The following CELF2 variants were observed in gnomAD, a reference collection of about 807,000 sequenced individuals.
CELF2 encodes CUGBP Elav-like family member 2.
A neutral mutation model predicts 62.6 loss-of-function variants in CELF2; 8 were observed. The ratio of observed to expected loss-of-function variants is 0.13; its 90% confidence interval spans 0.07 to 0.23. CELF2 has a LOEUF of 0.23. Ranked by LOEUF, CELF2 falls within the 10% of genes least tolerant of loss-of-function variation. CELF2 has a pLI of 1.00. For synonymous variants in CELF2, 258 were observed against 250.0 expected (o/e 1.03, Z -0.30); for missense variants, 333 against 671.0 (o/e 0.50, Z 5.56).
chr10:11,174,967 G>T (rs552937692), intron 2 of CELF2, among the ~76,000 whole-genome samples: 1 of 152,300 alleles, frequency 6.6e-6, no homozygotes, highest in East Asian at 1.9e-4. Flanking sequence ...TAAACATTCT[G>T]TGTAGGGGAT....
chr10:10,908,746 C>G (rs1051804353), intron 1 of CELF2, among the ~76,000 whole-genome samples: 1 of 152,182 alleles, frequency 6.6e-6, no homozygotes, highest in Non-Finnish European at 1.5e-5. Flanking sequence ...AGCTTCCAAC[C>G]TTGTAGCCAG....
chr10:11,063,890 T>C (rs1164834468), intron 1 of CELF2, among the ~76,000 whole-genome samples: 1 of 152,194 alleles, frequency 6.6e-6, no homozygotes, highest in Admixed American at 6.5e-5. Flanking sequence ...GGCTTTTGCT[T>C]CCAGAGGGGA....
In CELF2 at chr10:10,934,357, T is replaced by C. The variant is rs6602469; in HGVS notation, c.89+14358T>C. The stretch of plus-strand genomic sequence containing the variant: ...TGCTCACCTTTCTATCCTCAACACC[T>C]AGCATAGTGCCTCCAGCACACAACA... On this transcript the variant is annotated intron_variant, in intron 2 of 13. Transcript: ENST00000636488. The surrounding 1 kb of genome is among the most constrained non-coding windows in gnomAD (Gnocchi z 4.4). 0.35 allele frequency among the ~76,000 whole-genome samples: 53,460 copies of C among 152,028 alleles called. 10,346 individuals are homozygous for C. Among genetic ancestry groups the C allele is most frequent in the East Asian group, 0.73 (3,791 of 5,160 alleles).
intron 2 of CELF2, among the ~76,000 whole-genome samples, chr10:11,201,064 C>G (rs1051545184): frequency 1.3e-5 from 2 of 152,212 alleles, no homozygotes; most frequent in East Asian, 3.8e-4. Flanking sequence ...TTCTCTACAG[C>G]AGTTCACCAA....
the CELF2 span, among the ~76,000 whole-genome samples, chr10:10,528,028 T>C: frequency 6.6e-6 from 1 of 152,224 alleles, no homozygotes; most frequent in Non-Finnish European, 1.5e-5. Flanking sequence ...TTAAATGACC[T>C]ACCCTCAGAT....
intron 2 of CELF2, among the ~76,000 whole-genome samples, chr10:10,951,127 G>C (rs1484280201): frequency 6.6e-6 from 1 of 152,180 alleles, no homozygotes; most frequent in Non-Finnish European, 1.5e-5. Context: ...AAACCACTCG[G>C]AACTCAACTT....
chr10:10,814,587 A>G (rs1280151732), intron 1 of CELF2, among the ~76,000 whole-genome samples: 3 of 152,316 alleles, frequency 2.0e-5, no homozygotes, highest in Admixed American at 2.0e-4. Flanking sequence ...ATGACAGGCC[A>G]TGCATCTCTA....
chr10:10,531,490 G>T, the CELF2 span, among the ~76,000 whole-genome samples: 1 of 152,110 alleles, frequency 6.6e-6, no homozygotes, highest in Non-Finnish European at 1.5e-5. Flanking sequence ...TTATGAGACT[G>T]GGATACCTGA....
Position 11,090,080 on chromosome 10 carries a change from C to T in CELF2, c.74+71917C>T, listed in dbSNP as rs1041984854. The stretch of plus-strand genomic sequence containing the variant: ...AAACCTAGTTACTGGGTACTATGCT[C>T]AGCACCAGGGTGATGGGATCATTTC... On this transcript the variant is annotated intron_variant, in intron 1 of 12. Coordinates refer to ENST00000633077, the MANE Select transcript of CELF2 (RefSeq NM_001326342.2). Among the ~76,000 whole-genome samples the T allele has an allele frequency of 1.2e-4, 18 of 152,134 alleles. No homozygotes were observed. The East Asian group carries it at 2.1e-3, about 18-fold the overall frequency.
rs956021542 is a variant in CELF2, at chr10:11,075,789, T to C, written c.74+57626T>C. ...ATCCAGGCAAGCAGGTGCTATGGAATGATGGTTGAAAACGTCGTAGGCAAG... is the reference window on the plus strand; with the variant it reads ...ATCCAGGCAAGCAGGTGCTATGGAACGATGGTTGAAAACGTCGTAGGCAAG... On this transcript the variant is annotated intron_variant, in intron 1 of 12. Transcript: ENST00000633077. The surrounding 1 kb of genome is among the most constrained non-coding windows in gnomAD (Gnocchi z 5.4). Among the ~76,000 whole-genome samples, 1 of 150,970 alleles carries C rather than the reference T, an allele frequency of 6.6e-6. No homozygotes were observed. Among genetic ancestry groups the C allele is most frequent in the African/African-American group, 2.5e-5 (1 of 40,434 alleles).
At chr10:11,232,945 C>A (rs1449113158) in intron 3 of CELF2, among the ~76,000 whole-genome samples, 2 of 152,146 alleles carry the variant, frequency 1.3e-5, no homozygotes, top group Non-Finnish European at 2.9e-5. Flanking sequence ...TTAGCAGACA[C>A]TATAGCTTGG....
chr10:10,650,876 G>A, the CELF2 span, among the ~76,000 whole-genome samples: 9 of 152,184 alleles, frequency 5.9e-5, no homozygotes, highest in African/African-American at 1.9e-4. Flanking sequence ...AGCCAAGATG[G>A]CCGAATAGGA....
chr10:10,606,553 GTTACCA>G, the CELF2 span, among the ~76,000 whole-genome samples: 1 of 152,132 alleles, frequency 6.6e-6, no homozygotes, highest in Admixed American at 6.5e-5. Context: ...ATTTTCACAA[GTTACCA>G]GTAGCTGTTA....
chr10:11,132,767 A>G (rs906966977), intron 1 of CELF2, among the ~76,000 whole-genome samples: 3 of 152,218 alleles, frequency 2.0e-5, no homozygotes, highest in Non-Finnish European at 4.4e-5. Flanking sequence ...TCCAAAGGGT[A>G]TCATAGAAAG....
chr10:10,885,717 T>C (rs1479443325), intron 1 of CELF2, among the ~76,000 whole-genome samples: 3 of 152,182 alleles, frequency 2.0e-5, no homozygotes, highest in Non-Finnish European at 4.4e-5. Flanking sequence ...CCAGAGGTCC[T>C]AGAAAGAATT....
chr10:10,916,655 C>G (rs116377426), intron 1 of CELF2, among the ~76,000 whole-genome samples: 1 of 152,180 alleles, frequency 6.6e-6, no homozygotes, highest in Non-Finnish European at 1.5e-5. Flanking sequence ...CTCAGTTACC[C>G]GGAGTGGAGT....
At chr10:10,609,359 A>G in the CELF2 span, among the ~76,000 whole-genome samples, 1 of 152,204 alleles carries the variant, frequency 6.6e-6, no homozygotes, top group Non-Finnish European at 1.5e-5. Flanking sequence ...ATCCCATCCA[A>G]TAAGTCATAG....
At chr10:11,001,753 T>G (rs1443738050), upstream of CELF2, among the ~76,000 whole-genome samples, 1 of 151,374 alleles carries the variant, frequency 6.6e-6, no homozygotes, top group African/African-American at 2.5e-5. Context: ...AATCTAAGAT[T>G]TTCTTATTGT....
rs989248566 is a variant in CELF2, at chr10:11,297,347, G to T, written c.976+8795G>T. 6.6e-6 allele frequency among the ~76,000 whole-genome samples: 1 copy of T among 152,180 alleles called. No homozygotes were observed. Among genetic ancestry groups the T allele is most frequent in the Admixed American group, 6.5e-5 (1 of 15,286 alleles). Reference sequence around the variant, plus strand: ...AGACTGACCTGCAGAGGCCAGGCGGGCTGCCCTAAGCCCGGGGAGGGGTGA... The same window carrying T: ...AGACTGACCTGCAGAGGCCAGGCGGTCTGCCCTAAGCCCGGGGAGGGGTGA... On this transcript the variant is annotated intron_variant, in intron 9 of 12. Transcript: ENST00000633077. This position sits in a 1 kb window ranked among gnomAD's most constrained non-coding sequence, Gnocchi z 4.4.
Sources: gnomAD v4.1 joint callset for allele counts (sites outside exome capture counted in the v4.1 genomes callset) on GRCh38, gnomAD v4.1.1 for gene constraint, Gnocchi (gnomAD v3.1) non-coding constraint, MANE v1.5 for transcripts, NCBI Gene and HGNC (gene_info 2026-07-23, HGNC 2026-07-21) for gene names.